The following MRAP variants were observed in gnomAD, a reference collection of about 807,000 sequenced individuals.
MRAP encodes melanocortin-2 receptor accessory protein.
MRAP carries 8 observed loss-of-function variants against 8.7 expected under a neutral mutation model. The observed-to-expected ratio is 0.92, with a 90% CI of 0.54 to 1.66. The LOEUF is 1.66. MRAP is among the 40% of genes most tolerant of loss of function. The pLI is 0.00. For synonymous variants in MRAP, 95 were observed against 95.5 expected (o/e 1.00, Z 0.03); for missense variants, 237 against 217.1 (o/e 1.09, Z -0.58).
At position 32,312,203 on chromosome 21, in the gene MRAP, T is replaced by C. The variant is rs746979733; in HGVS notation, c.*207T>C. ...AGGTCATCCCAGGTGTTGCTGAGTTTATTGAGCACACCTAGCCTGCTTGCT... is the reference window on the plus strand; with the variant it reads ...AGGTCATCCCAGGTGTTGCTGAGTTCATTGAGCACACCTAGCCTGCTTGCT... On this transcript the variant is annotated 3_prime_UTR_variant, in exon 3 of 3. Transcript: ENST00000303645. 127 of 1,486,036 alleles carry C rather than the reference T, an allele frequency of 8.5e-5. No individual in the cohort carries two copies. Among genetic ancestry groups the C allele is most frequent in the Middle Eastern group, 2.3e-4 (1 of 4,436 alleles). 92.1% of individuals were successfully genotyped at this position (1,486,036 alleles called of 1,614,324 possible). A position where few individuals can be genotyped will look rare whatever the true frequency, so the allele number is the denominator to read the frequency against.
At chr21:32,311,208 G>A (rs1479596540) in intron 2 of MRAP, 1 of 166,426 alleles carries the variant, frequency 6.0e-6, no homozygotes, top group Non-Finnish European at 1.3e-5. Flanking sequence ...AGAACAGCAT[G>A]GGAAGACCCG....
chr21:32,306,202 C>G (rs2032411442), intron 1 of MRAP, among the ~76,000 whole-genome samples: 1 of 152,228 alleles, frequency 6.6e-6, no homozygotes. Flanking sequence ...GTCTCTGAAG[C>G]TGTTCCACCA....
chr21:32,298,543 T>C (rs1021050758), upstream of MRAP, among the ~76,000 whole-genome samples: 4 of 152,222 alleles, frequency 2.6e-5, no homozygotes, highest in African/African-American at 9.6e-5. Flanking sequence ...CTGTCGGGCT[T>C]ACATTTTGGT....
At chr21:32,299,775 G>A (rs773366422) in intron 1 of MRAP, among the ~76,000 whole-genome samples, 1 of 152,176 alleles carries the variant, frequency 6.6e-6, no homozygotes, top group Non-Finnish European at 1.5e-5. Context: ...CTAAAATGCA[G>A]ATTTAATGAT....
chr21:32,309,335 C>T lies in MRAP; in HGVS notation c.207-2349C>T, dbSNP rs538566227. 6.6e-5 allele frequency among the ~76,000 whole-genome samples: 10 copies of T among 152,282 alleles called. No homozygotes were observed. In the East Asian group the frequency reaches 7.8e-4, roughly 12 times the overall value. ...TGAAGGGGCCTCTGATTCTCCTCCC[C>T]GCCCCTGCCTGCCCTGCCCGTGGTG... On this transcript the variant is annotated intron_variant, in intron 2 of 2. Transcript: ENST00000303645.
intron 1 of MRAP, among the ~76,000 whole-genome samples, chr21:32,300,231 C>CAT (rs1320549049): frequency 6.6e-6 from 1 of 152,192 alleles, no homozygotes; most frequent in African/African-American, 2.4e-5. Context: ...CACACACACA[C>CAT]AGAAAAAGTA....
chr21:32,311,593 T>C lies in MRAP; in HGVS notation c.207-91T>C, dbSNP rs1026222563. On this transcript the variant is annotated intron_variant, in intron 2 of 2. Coordinates refer to ENST00000303645, the MANE Select transcript of MRAP (RefSeq NM_001379228.1). ...GCCTTCCCTATGGGGTCCGGGCAGA[T>C]GGCAGGTGTGGCAGGAAACCCCCCA... 3.9e-6 allele frequency: 6 copies of C among 1,533,354 alleles called. No homozygotes were observed. The African/African-American group carries it at 8.2e-5, about 21-fold the overall frequency. 95.0% of individuals were successfully genotyped at this position (1,533,354 alleles called of 1,614,324 possible).
downstream of MRAP, chr21:32,312,387 G>A: frequency 9.2e-7 from 1 of 1,089,710 alleles, no homozygotes; most frequent in Non-Finnish European, 1.2e-6. Flanking sequence ...CCTTTGTTAG[G>A]ATGCTGGGTA....
chr21:32,314,729 C>G, downstream of MRAP: 1 of 1,510,078 alleles, frequency 6.6e-7, no homozygotes, highest in Non-Finnish European at 9.2e-7. Context: ...CCTACAGGCC[C>G]GAGTTTATCA....
chr21:32,304,243 G>C (rs1404454743), intron 1 of MRAP, among the ~76,000 whole-genome samples: 1 of 152,180 alleles, frequency 6.6e-6, no homozygotes, highest in African/African-American at 2.4e-5. Flanking sequence ...TTGTAAAATA[G>C]ATTGTAACTC....
At chr21:32,310,470 G>A (rs755680946) in intron 2 of MRAP, among the ~76,000 whole-genome samples, 6 of 152,194 alleles carry the variant, frequency 3.9e-5, no homozygotes, top group African/African-American at 9.6e-5. Flanking sequence ...CATTTAAGTC[G>A]TTTTATACAT....
chr21:32,310,993 TAAGA>T, intron 2 of MRAP: 1 of 152,232 alleles, frequency 6.6e-6, no homozygotes, highest in East Asian at 1.9e-4. Context: ...TCTCGGCTGC[TAAGA>T]AAGACATATC....
chr21:32,307,131 T>C (rs1272430117), intron 2 of MRAP, among the ~76,000 whole-genome samples: 1 of 152,156 alleles, frequency 6.6e-6, no homozygotes, highest in Admixed American at 6.5e-5. Flanking sequence ...CAGAGCTGCA[T>C]GTTGTATGAC....
At chr21:32,314,520 A>T (rs779619134), downstream of MRAP, 8 of 1,580,522 alleles carry the variant, frequency 5.1e-6, no homozygotes, top group African/African-American at 1.3e-5. Flanking sequence ...TCGTTTTCAT[A>T]AAAAAAATCT....
At chr21:32,304,927 A>C (rs1361062815) in intron 1 of MRAP, among the ~76,000 whole-genome samples, 1 of 135,912 alleles carries the variant, frequency 7.4e-6, no homozygotes, top group African/African-American at 2.9e-5. Context: ...GTGCCTTTTC[A>C]TTATACCCTG....
chr21:32,304,981 T>G (rs548477567), intron 1 of MRAP, among the ~76,000 whole-genome samples: 34 of 143,862 alleles, frequency 2.4e-4, no homozygotes, highest in Middle Eastern at 7.0e-3. Flanking sequence ...TTTTTTTTTT[T>G]TTTTTTTTTG....
In MRAP at chr21:32,309,874, C is replaced by T. The variant is rs1213491706; in HGVS notation, c.207-1810C>T. On this transcript the variant is annotated intron_variant, in intron 2 of 2. Transcript: ENST00000303645. Reference sequence around the variant, plus strand: ...AAGAGAATCGCTTGAACCTGGGAGGCAGAGGTTGCAGTTAGCCGAGATGGC... The same window carrying T: ...AAGAGAATCGCTTGAACCTGGGAGGTAGAGGTTGCAGTTAGCCGAGATGGC... Among the ~76,000 whole-genome samples the T allele has an allele frequency of 3.9e-5, 6 of 151,964 alleles. No homozygotes were observed. In the East Asian group the frequency reaches 7.9e-4, roughly 20 times the overall value.
downstream of MRAP, chr21:32,313,739 G>A (rs986270314): frequency 7.9e-5 from 12 of 152,242 alleles, no homozygotes; most frequent in Non-Finnish European, 1.6e-4. Context: ...CTAGGCCACA[G>A]AGCAGATCCC....
chr21:32,296,440 CTT>C (rs931516024), upstream of MRAP, among the ~76,000 whole-genome samples: 5 of 152,122 alleles, frequency 3.3e-5, no homozygotes, highest in Admixed American at 1.3e-4. Flanking sequence ...TGGGGGATGT[CTT>C]TGTGATATTT....
Sources: gnomAD v4.1 joint callset for allele counts (sites outside exome capture counted in the v4.1 genomes callset) on GRCh38, gnomAD v4.1.1 for gene constraint, MANE v1.5 for transcripts, NCBI Gene and HGNC (gene_info 2026-07-23, HGNC 2026-07-21) for gene names.